GRM8: variants seen among roughly 807,000 people sequenced by gnomAD.
GRM8 encodes glutamate metabotropic receptor 8.
A neutral mutation model predicts 87.2 loss-of-function variants in GRM8; 47 were observed. That is an observed-to-expected ratio of 0.54 (90% CI 0.43 to 0.69). GRM8 has a LOEUF of 0.69. Among genes scored for constraint, GRM8 ranks in the 30% least tolerant of loss-of-function variants. The pLI is 0.00. For missense variants in GRM8, 1,019 were observed against 1,139.2 expected (o/e 0.89, Z 1.52); for synonymous variants, 396 against 404.5 (o/e 0.98, Z 0.25).
intron 7 of GRM8, among the ~76,000 whole-genome samples, chr7:126,745,059 C>A (rs980270931): frequency 6.6e-6 from 1 of 151,696 alleles, no homozygotes. Context: ...GATAAATAAT[C>A]AATGATAATG....
rs983423149 is a variant in GRM8, at chr7:127,214,619, G to A, written c.510+28076C>T. ...CTTACATGGCGGCAGGAGAAGGAGC[G>A]TGTTGAAGGAAGTGCCGCACTTTTA... On this transcript the variant is annotated intron_variant, in intron 2 of 10. Transcript: ENST00000339582. 5.3e-5 allele frequency among the ~76,000 whole-genome samples: 8 copies of A among 152,128 alleles called. No individual in the cohort carries two copies. The East Asian group carries it at 1.2e-3, about 22-fold the overall frequency.
At chr7:126,898,924 C>T (rs927800158) in intron 6 of GRM8, among the ~76,000 whole-genome samples, 1 of 151,984 alleles carries the variant, frequency 6.6e-6, no homozygotes, top group African/African-American at 2.4e-5. Flanking sequence ...TTCTCACTCT[C>T]CTTTCACCCT....
At chr7:127,159,700 C>T (rs2116204934) in intron 2 of GRM8, among the ~76,000 whole-genome samples, 1 of 152,198 alleles carries the variant, frequency 6.6e-6, no homozygotes, top group Non-Finnish European at 1.5e-5. Context: ...GGCTTTTCTT[C>T]CCTAGCTATA....
At chr7:127,149,476 G>T (rs920288630) in intron 2 of GRM8, among the ~76,000 whole-genome samples, 6 of 152,026 alleles carry the variant, frequency 3.9e-5, no homozygotes, top group Admixed American at 3.3e-4. Flanking sequence ...ATGCAGACTG[G>T]TATAGCCATT....
At chr7:127,247,520 T>C (rs1798640261) in intron 1 of GRM8, among the ~76,000 whole-genome samples, 1 of 152,194 alleles carries the variant, frequency 6.6e-6, no homozygotes, top group Non-Finnish European at 1.5e-5. Context: ...TTTGGTTGTT[T>C]TGAAAATGCA....
intron 7 of GRM8, chr7:126,701,640 T>A (rs1470361220): frequency 2.6e-6 from 1 of 389,968 alleles, no homozygotes; most frequent in African/African-American, 2.1e-5. Flanking sequence ...TTACAAGATC[T>A]AGAATCAAGT....
At chr7:126,617,606 A>G (rs1253136488) in intron 7 of GRM8, among the ~76,000 whole-genome samples, 1 of 152,186 alleles carries the variant, frequency 6.6e-6, no homozygotes, top group Non-Finnish European at 1.5e-5. Flanking sequence ...TGCAGATGAC[A>G]TGATTGTATA....
chr7:126,956,427 T>C (rs559418296), intron 3 of GRM8, among the ~76,000 whole-genome samples: 1 of 152,236 alleles, frequency 6.6e-6, no homozygotes, highest in Non-Finnish European at 1.5e-5. Context: ...TGAATAAGAA[T>C]AGTGTCTGAC....
rs73449023 is a variant in GRM8 at position 126,666,753 on chromosome 7, A to G, written c.1358-57255T>C. On this transcript the variant is annotated intron_variant, in intron 7 of 10. Transcript: ENST00000339582. ...TTTGCAATCCCTTATCTGCAGTTTTAAAATCCAAAGTGTTTGAAAACCAAA... is the reference window on the plus strand; with the variant it reads ...TTTGCAATCCCTTATCTGCAGTTTTGAAATCCAAAGTGTTTGAAAACCAAA... Among the ~76,000 whole-genome samples the G allele has an allele frequency of 3.3e-3, 504 of 152,326 alleles. 3 individuals carry two copies. The highest frequency in any genetic ancestry group is 0.011 in the African/African-American group (459 of 41,582).
intron 7 of GRM8, among the ~76,000 whole-genome samples, chr7:126,733,625 AGTTAGACATTTGG>A (rs1243494446): frequency 6.6e-6 from 1 of 151,990 alleles, no homozygotes; most frequent in East Asian, 1.9e-4. Flanking sequence ...AAAACAGTGT[AGTTAGACATTTGG>A]AAAAAATTGA....
At chr7:126,597,956 T>C (rs989724872) in intron 8 of GRM8, among the ~76,000 whole-genome samples, 4 of 152,052 alleles carry the variant, frequency 2.6e-5, no homozygotes, top group African/African-American at 9.7e-5. Context: ...TATTTTCAAT[T>C]ATACAATAAA....
In GRM8 at chr7:126,589,565, AT is replaced by A. The variant is rs201891040; in HGVS notation, c.1494+19796del. ...CCTGGTAGCTGAAGACAAAGATCAG[AT>A]TCTCTTGGGAGTTCTAGGGCTCCAG... On this transcript the variant is annotated intron_variant, in intron 8 of 10. Coordinates refer to ENST00000339582, the MANE Select transcript of GRM8 (RefSeq NM_000845.3). 1.4e-4 allele frequency among the ~76,000 whole-genome samples: 21 copies of A among 152,238 alleles called. No homozygotes were observed. In the East Asian group the frequency reaches 4.1e-3, roughly 29 times the overall value.
chr7:126,544,803 T>C, intron 8 of GRM8, among the ~76,000 whole-genome samples: 1 of 152,108 alleles, frequency 6.6e-6, no homozygotes, highest in South Asian at 2.1e-4. Context: ...CCACCGCACC[T>C]GGCCTTCAAA....
At chr7:126,819,782 G>A (rs1586067587) in intron 6 of GRM8, among the ~76,000 whole-genome samples, 1 of 151,826 alleles carries the variant, frequency 6.6e-6, no homozygotes, top group Admixed American at 6.6e-5. Context: ...GAAATAAAAA[G>A]TCACATTTAT....
At chr7:126,586,443 T>C (rs1420683829) in intron 8 of GRM8, among the ~76,000 whole-genome samples, 7 of 152,072 alleles carry the variant, frequency 4.6e-5, no homozygotes, top group Non-Finnish European at 7.4e-5. Context: ...TACAAGGCTA[T>C]AGTAACCAAA....
At chr7:126,939,464 G>A (rs1024382500) in intron 3 of GRM8, among the ~76,000 whole-genome samples, 3 of 152,160 alleles carry the variant, frequency 2.0e-5, no homozygotes, top group Non-Finnish European at 4.4e-5. Context: ...CTCATGGGTT[G>A]CTATGGGTAT....
intron 8 of GRM8, among the ~76,000 whole-genome samples, chr7:126,577,136 T>C (rs776214011): frequency 7.2e-5 from 11 of 152,164 alleles, no homozygotes; most frequent in Non-Finnish European, 1.5e-4. Context: ...GGTTTCTAAG[T>C]CTAACCATAG....
chr7:127,015,056 AAGAAGAAG>A lies in GRM8; in HGVS notation c.727+91432_727+91439del, dbSNP rs1324695654. 1.9e-3 allele frequency among the ~76,000 whole-genome samples: 232 copies of A among 122,830 alleles called. 2 individuals carry two copies. Among genetic ancestry groups the A allele is most frequent in the East Asian group, 5.9e-3 (26 of 4,374 alleles). 80.6% of individuals were successfully genotyped at this position (122,830 alleles called of 152,430 possible). A position where few individuals can be genotyped will look rare whatever the true frequency, so the allele number is the denominator to read the frequency against. ...GAAGAAGAAGAAGAAGAAGAAGAAGAAGAAGAAGAAGAAAGAAAGAAGGAGAAGAAGGA... is the reference window on the plus strand; with the variant it reads ...GAAGAAGAAGAAGAAGAAGAAGAAGAAAGAAAGAAAGAAGGAGAAGAAGGA... On this transcript the variant is annotated intron_variant, in intron 3 of 10. Coordinates refer to ENST00000339582, the MANE Select transcript of GRM8 (RefSeq NM_000845.3).
chr7:127,149,829 T>C (rs1221174830), intron 2 of GRM8, among the ~76,000 whole-genome samples: 1 of 151,930 alleles, frequency 6.6e-6, no homozygotes, highest in Non-Finnish European at 1.5e-5. Context: ...TGACCTCACA[T>C]GTGGAATCTA....
Sources: gnomAD v4.1 joint callset for allele counts (sites outside exome capture counted in the v4.1 genomes callset) on GRCh38, gnomAD v4.1.1 for gene constraint, MANE v1.5 for transcripts, NCBI Gene and HGNC (gene_info 2026-07-23, HGNC 2026-07-21) for gene names.